FAM114A1: variants seen among roughly 807,000 people sequenced by gnomAD.
FAM114A1 encodes the protein family with sequence similarity 114 member A1, also known as protein NOXP20.
Under a neutral mutation model 64.3 loss-of-function variants are expected in FAM114A1, and 62 were observed. That is an observed-to-expected ratio of 0.96 (90% CI 0.79 to 1.19). FAM114A1 has a LOEUF of 1.19. Among genes scored for constraint, FAM114A1 ranks in the 50% most tolerant of loss-of-function variants. The pLI is 0.00. For missense variants in FAM114A1, 645 were observed against 676.3 expected (o/e 0.95, Z 0.51); for synonymous variants, 254 against 251.1 (o/e 1.01, Z -0.11).
chr4:38,899,948 A>G lies in FAM114A1; in HGVS notation c.437-5574A>G, dbSNP rs951215305. 3.9e-5 allele frequency among the ~76,000 whole-genome samples: 6 copies of G among 152,286 alleles called. No homozygotes were observed. The South Asian group carries it at 1.2e-3, about 32-fold the overall frequency. On this transcript the variant is annotated intron_variant, in intron 4 of 14. Transcript: ENST00000358869. ...CTTACTTATTTCCACAGGACCTTAT[A>G]AGCTCATACACTCTATTGCTTATTA...
intron 13 of FAM114A1, among the ~76,000 whole-genome samples, chr4:38,939,298 C>A (rs1315160306): frequency 6.6e-6 from 1 of 152,218 alleles, no homozygotes; most frequent in East Asian, 1.9e-4. Flanking sequence ...CATCTCACCA[C>A]AACAATACCT....
chr4:38,880,386 T>C (rs1023686126), intron 3 of FAM114A1, among the ~76,000 whole-genome samples: 1 of 152,230 alleles, frequency 6.6e-6, no homozygotes, highest in Admixed American at 6.5e-5. Flanking sequence ...GCTGTGGTGC[T>C]ACAATAACAC....
chr4:38,943,653 C>T lies in FAM114A1; in HGVS notation c.*96C>T. 9.5e-7 allele frequency: 1 copy of T among 1,053,452 alleles called. No homozygotes were observed. The highest frequency in any genetic ancestry group is 1.5e-6 in the Non-Finnish European group (1 of 688,870). The allele number at this position is 1,053,452 out of a possible 1,614,324, so 65.3% of individuals were successfully genotyped here. Reference sequence around the variant, plus strand: ...TGTTCTCTGTGCGCCTGGCCACAGACATCCATTTGAGGACACTACAAGCAA... The same window carrying T: ...TGTTCTCTGTGCGCCTGGCCACAGATATCCATTTGAGGACACTACAAGCAA... On this transcript the variant is annotated 3_prime_UTR_variant, in exon 15 of 15. Transcript: ENST00000358869.
At chr4:38,907,658 A>G (rs1355869126) in intron 6 of FAM114A1, among the ~76,000 whole-genome samples, 1 of 152,226 alleles carries the variant, frequency 6.6e-6, no homozygotes, top group Non-Finnish European at 1.5e-5. Context: ...GATGAAAATA[A>G]AGTATATTAA....
intron 2 of FAM114A1, among the ~76,000 whole-genome samples, chr4:38,869,765 G>A (rs2109506718): frequency 6.6e-6 from 1 of 150,440 alleles, no homozygotes; most frequent in Admixed American, 6.6e-5. Context: ...AGGATATCAT[G>A]CTAACCAAAT....
chr4:38,916,794 A>C (rs1719091085), intron 8 of FAM114A1, among the ~76,000 whole-genome samples: 1 of 152,144 alleles, frequency 6.6e-6, no homozygotes, highest in Non-Finnish European at 1.5e-5. Context: ...TGTATCCCAG[A>C]ACTTAAGTAT....
At chr4:38,916,103 A>G (rs554518145) in intron 8 of FAM114A1, among the ~76,000 whole-genome samples, 1 of 152,330 alleles carries the variant, frequency 6.6e-6, no homozygotes, top group African/African-American at 2.4e-5. Flanking sequence ...ACTTTGAGCC[A>G]TTCTTGATGC....
At chr4:38,872,387 TA>T (rs1488213194) in intron 2 of FAM114A1, among the ~76,000 whole-genome samples, 1 of 152,250 alleles carries the variant, frequency 6.6e-6, no homozygotes, top group Non-Finnish European at 1.5e-5. Context: ...TAGGCATCCA[TA>T]ATGGTTTTTA....
intron 7 of FAM114A1, among the ~76,000 whole-genome samples, chr4:38,909,093 G>A (rs932082256): frequency 1.3e-5 from 2 of 152,172 alleles, no homozygotes; most frequent in African/African-American, 4.8e-5. Flanking sequence ...ACACACTCTT[G>A]TTCCTTGCTT....
rs117945558 is a variant in FAM114A1 at position 38,892,958 on chromosome 4, C to T, written c.436+1128C>T. ...AAATATCAGTTTGCTCAGGAAGGCT[C>T]TGGGAAGAAGTAGCAATGGCCAAAT... is the stretch of plus-strand genomic sequence containing the variant. On this transcript the variant is annotated intron_variant, in intron 4 of 14. Coordinates refer to ENST00000358869, the MANE Select transcript of FAM114A1 (RefSeq NM_138389.4). Among the ~76,000 whole-genome samples, 415 of 152,368 alleles carry T rather than the reference C, an allele frequency of 2.7e-3. 8 individuals carry two copies. The East Asian group carries it at 0.049, about 18-fold the overall frequency.
In FAM114A1 at chr4:38,935,781, C is replaced by G; in HGVS notation, c.1527C>G (p.Thr509=). The G allele has an allele frequency of 6.2e-7, 1 of 1,608,998 alleles. No individual in the cohort carries two copies. Among genetic ancestry groups the G allele is most frequent in the Non-Finnish European group, 8.5e-7 (1 of 1,175,808 alleles). Residue 509 remains threonine, a synonymous_variant, in exon 13 of 15, where the codon ACC becomes ACG. Transcript: ENST00000358869. ...CAAAGAAGTTTACGAATTCTTTAACCACTGTTGGGGTAAGATTACAGTCTT... is the reference window on the plus strand; with the variant it reads ...CAAAGAAGTTTACGAATTCTTTAACGACTGTTGGGGTAAGATTACAGTCTT... The part of the protein sequence containing the change: ...SLSKKFTNSL[T]TVGSNKKAEV...
At position 38,908,622 on chromosome 4, in the gene FAM114A1, G is replaced by A. The variant is rs1190935666; in HGVS notation, c.688G>A (p.Ala230Thr). Residue 230 changes from alanine to threonine, a missense_variant, in exon 7 of 15, where the codon GCG becomes ACG. Physicochemically the swap from Ala to Thr is moderately conservative, Grantham distance 58. Coordinates refer to ENST00000358869, the MANE Select transcript of FAM114A1 (RefSeq NM_138389.4). ...GKSVLTGGLDALEFIGKKTMN... is the reference protein window; with the variant it reads ...GKSVLTGGLDTLEFIGKKTMN... Reference sequence around the variant, plus strand: ...AAGTGTCTTAACTGGAGGCCTTGATGCGTTGGAATTCATCGGCAAGAAAAC... The same window carrying A: ...AAGTGTCTTAACTGGAGGCCTTGATACGTTGGAATTCATCGGCAAGAAAAC... 6.2e-7 allele frequency: 1 copy of A among 1,613,224 alleles called. No individual in the cohort carries two copies. Among genetic ancestry groups the A allele is most frequent in the Non-Finnish European group, 8.5e-7 (1 of 1,179,482 alleles).
At chr4:38,927,968 C>T (rs541343866) in intron 9 of FAM114A1, among the ~76,000 whole-genome samples, 2 of 152,350 alleles carry the variant, frequency 1.3e-5, no homozygotes, top group South Asian at 2.1e-4. Context: ...AGGCGTGAGC[C>T]ACCGTGCCTG....
Position 38,905,536 on chromosome 4 carries a change from G to A in FAM114A1, c.451G>A (p.Ala151Thr). The stretch of plus-strand genomic sequence containing the variant: ...ATTTCCAACAGGTCATGGATTGACG[G>A]CAGTCAAGGAAAAAGCAGGAGCCAC... ...ASATVGHGLT[A>T]VKEKAGATLR... is the part of the protein sequence containing the mutation. The change falls in exon 5 of 15, where the codon GCA becomes ACA. Residue 151 changes from alanine (A) to threonine (T), a missense_variant. Physicochemically the swap from Ala to Thr is moderately conservative, Grantham distance 58. Coordinates refer to ENST00000358869, the MANE Select transcript of FAM114A1 (RefSeq NM_138389.4). 1.2e-6 allele frequency: 2 copies of A among 1,613,766 alleles called. No homozygotes were observed. Among genetic ancestry groups the A allele is most frequent in the Non-Finnish European group, 1.7e-6 (2 of 1,179,722 alleles).
chr4:38,916,037 C>T (rs1489733267), intron 8 of FAM114A1, among the ~76,000 whole-genome samples: 1 of 152,092 alleles, frequency 6.6e-6, no homozygotes, highest in East Asian at 1.9e-4. Context: ...GGCAGTGAGC[C>T]TTAGAATGGA....
intron 8 of FAM114A1, among the ~76,000 whole-genome samples, chr4:38,917,192 G>C (rs1352643469): frequency 1.7e-5 from 2 of 118,252 alleles, no homozygotes; most frequent in Non-Finnish European, 3.4e-5. Context: ...AAATAAAAAA[G>C]CTGGGCATGG....
chr4:38,943,307 T>G (rs1721716946), intron 14 of FAM114A1, 149 bp from the exon 15 acceptor site: 1 of 635,646 alleles, frequency 1.6e-6, no homozygotes. Flanking sequence ...AAAGCATGTG[T>G]TTACACTTGC....
intron 4 of FAM114A1, among the ~76,000 whole-genome samples, chr4:38,901,169 T>A (rs1717478896): frequency 6.6e-6 from 1 of 152,334 alleles, no homozygotes; most frequent in South Asian, 2.1e-4. Context: ...TCCTTTAGCA[T>A]ATGGGACCAA....
chr4:38,900,370 A>G (rs375031071), intron 4 of FAM114A1, among the ~76,000 whole-genome samples: 6 of 152,174 alleles, frequency 3.9e-5, no homozygotes, highest in African/African-American at 1.4e-4. Context: ...GAATTACCAT[A>G]TGATCCACCA....
Sources: allele counts gnomAD v4.1 joint callset (sites outside exome capture counted in the v4.1 genomes callset), GRCh38; gene constraint gnomAD v4.1.1; transcripts MANE v1.5; gene names NCBI Gene and HGNC (gene_info 2026-07-23, HGNC 2026-07-21).